Variants in DOCK1 observed in about 807,000 individuals in gnomAD.
The protein encoded by DOCK1 is dedicator of cytokinesis 1.
In DOCK1, 138 loss-of-function variants were observed where a neutral mutation model predicts 262.7. That is an observed-to-expected ratio of 0.53 (90% CI 0.46 to 0.61). The LOEUF is 0.61. Ranked by LOEUF, DOCK1 falls within the 20% of genes least tolerant of loss-of-function variation. DOCK1 has a pLI of 0.00. For synonymous variants in DOCK1, 866 were observed against 867.4 expected (o/e 1.00, Z 0.03); for missense variants, 1,908 against 2,370.7 (o/e 0.80, Z 4.05).
At chr10:127,199,181 C>G (rs1461914694) in intron 27 of DOCK1, among the ~76,000 whole-genome samples, 1 of 152,026 alleles carries the variant, frequency 6.6e-6, no homozygotes, top group Admixed American at 6.5e-5. Context: ...AGCTACTTTT[C>G]AAGTGGGATT....
rs924022127 is a variant in DOCK1, at chr10:127,232,158, A to G, written c.2848-15850A>G. Among the ~76,000 whole-genome samples, 7 of 152,148 alleles carry G rather than the reference A, an allele frequency of 4.6e-5. No individual in the cohort carries two copies. The South Asian group carries it at 6.3e-4, about 14-fold the overall frequency. On this transcript the variant is annotated intron_variant, in intron 27 of 51. Transcript: ENST00000623213. ...AAGGGTGCAGACCTTTTAGTTCTGC[A>G]TCTTGGTGGTCATATGTATTGGAAG...
chr10:127,208,016 C>G (rs189195535), intron 27 of DOCK1, among the ~76,000 whole-genome samples: 1 of 152,188 alleles, frequency 6.6e-6, no homozygotes, highest in Non-Finnish European at 1.5e-5. Context: ...TAGGCTCACC[C>G]GGCCTCCTCT....
intron 27 of DOCK1, among the ~76,000 whole-genome samples, chr10:127,134,730 C>T (rs568790922): frequency 2.0e-5 from 3 of 152,144 alleles, no homozygotes; most frequent in South Asian, 2.1e-4. Flanking sequence ...GAAGAGGAAT[C>T]CCCTTCTTCT....
At chr10:126,968,133 G>T (rs1399505557) in intron 1 of DOCK1, among the ~76,000 whole-genome samples, 2 of 152,144 alleles carry the variant, frequency 1.3e-5, no homozygotes, top group Non-Finnish European at 2.9e-5. Context: ...ACCCGGCCAA[G>T]ATGCTGAATT....
In DOCK1 at chr10:127,100,323, C is replaced by A. The variant is rs534680786; in HGVS notation, c.2446-5908C>A. ...TAACAGCCTGAACCGAGGGCTCTGT[C>A]GCTGCCTAGAAGGGGGCTGTGAGGA... On this transcript the variant is annotated intron_variant, in intron 23 of 51. Coordinates refer to ENST00000623213, the MANE Select transcript of DOCK1 (RefSeq NM_001290223.2). The surrounding 1 kb of genome is among the most constrained non-coding windows in gnomAD (Gnocchi z 5.5). Among the ~76,000 whole-genome samples, 1 of 152,076 alleles carries A rather than the reference C, an allele frequency of 6.6e-6. No homozygotes were observed. Among genetic ancestry groups the A allele is most frequent in the Non-Finnish European group, 1.5e-5 (1 of 68,028 alleles).
chr10:126,979,194 C>G (rs189745245), intron 3 of DOCK1, among the ~76,000 whole-genome samples: 1 of 152,258 alleles, frequency 6.6e-6, no homozygotes, highest in African/African-American at 2.4e-5. Context: ...AAGGAAAGTT[C>G]TATTTTCACA....
At chr10:127,124,306 G>A (rs966650722) in intron 25 of DOCK1, among the ~76,000 whole-genome samples, 4 of 152,178 alleles carry the variant, frequency 2.6e-5, no homozygotes, top group Non-Finnish European at 5.9e-5. Flanking sequence ...CTGAAAACCG[G>A]CTAAGTCTGT....
intron 23 of DOCK1, among the ~76,000 whole-genome samples, chr10:127,093,219 T>TTTG (rs149382008): frequency 1.6e-5 from 1 of 62,920 alleles, no homozygotes; most frequent in Non-Finnish European, 3.3e-5. Flanking sequence ...TCTTTCTTTC[T>TTTG]TTTCTTTCTT....
At position 127,350,342 on chromosome 10, in the gene DOCK1, T is replaced by A. The variant is rs1014022624; in HGVS notation, c.3225-4327T>A. Among the ~76,000 whole-genome samples the A allele has an allele frequency of 3.7e-4, 57 of 152,124 alleles. 1 individual carries two copies. The highest frequency in any genetic ancestry group is 2.8e-3 in the Admixed American group (43 of 15,282). On this transcript the variant is annotated intron_variant, in intron 31 of 51. Transcript: ENST00000623213. ...CCTGGTCTCTCAAACAGGAGCCAGC[T>A]CTGTGTTCTGTAGCCCCACCCACCA...
chr10:127,420,896 A>AGTTTGTTT (rs111799630), intron 46 of DOCK1, among the ~76,000 whole-genome samples: 11,141 of 117,236 alleles, frequency 0.095, 679 homozygotes, highest in African/African-American at 0.21. Context: ...CACCGTGAGC[A>AGTTTGTTT]GTTTATTTGT....
chr10:127,377,533 T>TA (rs1296137020), intron 35 of DOCK1, among the ~76,000 whole-genome samples: 1 of 152,210 alleles, frequency 6.6e-6, no homozygotes, highest in African/African-American at 2.4e-5. Flanking sequence ...CGTGGTTTCT[T>TA]ACAAAACACA....
chr10:126,982,117 G>A, intron 4 of DOCK1, 144 bp downstream of exon 4: 2 of 837,664 alleles, frequency 2.4e-6, no homozygotes, highest in Non-Finnish European at 3.8e-6. Flanking sequence ...GGGAGAGAAA[G>A]GGGACTTGTG....
intron 16 of DOCK1, among the ~76,000 whole-genome samples, chr10:127,027,720 C>G (rs1332971792): frequency 6.6e-6 from 1 of 152,200 alleles, no homozygotes; most frequent in African/African-American, 2.4e-5. Context: ...GTTGCTGCTG[C>G]TGGAATAATG....
intron 1 of DOCK1, among the ~76,000 whole-genome samples, chr10:126,946,301 C>A (rs2035398734): frequency 1.3e-5 from 2 of 152,120 alleles, no homozygotes; most frequent in African/African-American, 4.8e-5. Flanking sequence ...ATTCCTAGCA[C>A]TTTGGGAGGC....
chr10:127,413,916 A>ATTT (rs200195531), intron 43 of DOCK1, among the ~76,000 whole-genome samples: 13,966 of 147,896 alleles, frequency 0.094, 727 homozygotes, highest in South Asian at 0.16. Flanking sequence ...GTTTTCTGAA[A>ATTT]ATTTTTTTTT....
In DOCK1 at chr10:127,409,029, CT is replaced by C; in HGVS notation, c.4123-4del. On this transcript the variant is annotated splice_polypyrimidine_tract_variant and splice_region_variant and intron_variant, in intron 40 of 51. Transcript: ENST00000623213. ...GTGGTGTTATGAAATGAATGTCACC[CT>C]TTTCAGGGAAAAGTTTTCATTTACC... 2 of 1,576,100 alleles carry C rather than the reference CT, an allele frequency of 1.3e-6. No individual in the cohort carries two copies. Among genetic ancestry groups the C allele is most frequent in the South Asian group, 1.2e-5 (1 of 86,034 alleles).
At chr10:127,383,660 T>C (rs2065942065) in intron 37 of DOCK1, among the ~76,000 whole-genome samples, 1 of 152,198 alleles carries the variant, frequency 6.6e-6, no homozygotes. Context: ...GGGCGGGACC[T>C]TTGCTAAGAC....
At chr10:126,982,155 T>G (rs7899778) in intron 4 of DOCK1, among the ~76,000 whole-genome samples, 182 bp downstream of exon 4, 9,996 of 152,226 alleles carry the variant, frequency 0.066, 366 homozygotes, top group Middle Eastern at 0.11. Context: ...ACATGGCTTT[T>G]ATCCTTTATG....
intron 29 of DOCK1, among the ~76,000 whole-genome samples, chr10:127,320,828 G>A (rs764162966): frequency 2.0e-4 from 31 of 152,066 alleles, no homozygotes; most frequent in Non-Finnish European, 4.4e-4. Context: ...ATCTGTCTAC[G>A]TCCTCTGGAG....
Sources: allele counts gnomAD v4.1 joint callset (sites outside exome capture counted in the v4.1 genomes callset), GRCh38; gene constraint gnomAD v4.1.1; non-coding constraint Gnocchi (gnomAD v3.1); transcripts MANE v1.5; gene names NCBI Gene and HGNC (gene_info 2026-07-23, HGNC 2026-07-21).